The following SRRT variants were observed in gnomAD, a reference collection of about 807,000 sequenced individuals.
SRRT encodes serrate RNA effector molecule homolog.
A neutral mutation model predicts 103.2 loss-of-function variants in SRRT; 32 were observed. That is an observed-to-expected ratio of 0.31 (90% confidence interval 0.23 to 0.42). SRRT has a LOEUF of 0.42. Among genes scored for constraint, SRRT ranks in the 10% least tolerant of loss-of-function variants. The pLI is 1.00. For missense variants in SRRT, 986 were observed against 1,207.5 expected (o/e 0.82, Z 2.72); for synonymous variants, 525 against 449.0 (o/e 1.17, Z -2.14).
At position 100,886,278 on chromosome 7, in the gene SRRT, A is replaced by AC; in HGVS notation, c.1491dup (p.Arg498GlnfsTer36). 6.2e-7 allele frequency: 1 copy of AC among 1,612,804 alleles called. No homozygotes were observed. The highest frequency in any genetic ancestry group is 1.3e-5 in the African/African-American group (1 of 74,978). ...GAGTGTGAGCTGAGCCCTGGTGTGA[A>AC]CAGGGACCTGACCCGGCGCGTTCGC... is the stretch of plus-strand genomic sequence containing the variant. On this transcript the variant is annotated frameshift_variant, in exon 13 of 20. Transcript: ENST00000611405. LOFTEE classifies it high-confidence loss of function.
rs1789882296 is a variant in SRRT, at chr7:100,884,418, C to G, written c.808C>G (p.Gln270Glu). The G allele has an allele frequency of 6.0e-6, 9 of 1,494,154 alleles. No homozygotes were observed. Among genetic ancestry groups the G allele is most frequent in the South Asian group, 2.4e-5 (2 of 82,656 alleles). The allele number at this position is 1,494,154 out of a possible 1,614,324, so 92.6% of individuals were successfully genotyped here. A position where few individuals can be genotyped will look rare whatever the true frequency, so the allele number is the denominator to read the frequency against. The change falls in exon 7 of 20, where the codon CAG (glutamine) becomes GAG (glutamate). Residue 270 changes from glutamine to glutamate, a missense_variant. Physicochemically the swap from Gln to Glu is conservative, Grantham distance 29 (BLOSUM62 2). Around this residue, in one of 6 missense-constraint regions of SRRT, gnomAD observed 274 missense variants for 358.5 expected, o/e 0.76. Transcript: ENST00000611405. ...GGAGAATGATCTTCGCATCCTGGAG[C>G]AGGAGGAGGAGGAGGAGCAGGCAGG... ...GTENDLRILE[Q>E]EEEEEQAGKP...
At position 100,885,837 on chromosome 7, in the gene SRRT, A is replaced by G. The variant is rs1472030144; in HGVS notation, c.1380-26A>G. 4.3e-6 allele frequency: 7 copies of G among 1,614,076 alleles called. No homozygotes were observed. The highest frequency in any genetic ancestry group is 1.7e-5 in the Admixed American group (1 of 60,012). ...CCAACACCAACTCCCTCGCTTGACT[A>G]TGCTAACATTTTCTTTCTTGTGTAG... On this transcript the variant is annotated intron_variant, in intron 11 of 19. Transcript: ENST00000611405. This position sits in a 1 kb window ranked among gnomAD's most constrained non-coding sequence, Gnocchi z 4.8.
Position 100,875,608 on chromosome 7 carries a change from C to T in SRRT, c.18C>T (p.Asp6=), listed in dbSNP as rs758560544. Residue 6 remains aspartate, a synonymous_variant, in exon 2 of 20, where the codon GAC becomes GAT. Coordinates refer to ENST00000611405, the MANE Select transcript of SRRT (RefSeq NM_015908.6). ...ACCGTGCCATGGGTGACAGTGATGACGAGTACGATCGAAGGCGCAGGGACA... is the reference window on the plus strand; with the variant it reads ...ACCGTGCCATGGGTGACAGTGATGATGAGTACGATCGAAGGCGCAGGGACA... MGDSD[D]EYDRRRRDKF... 5.6e-6 allele frequency: 9 copies of T among 1,614,060 alleles called. No individual in the cohort carries two copies. In the East Asian group the frequency reaches 6.7e-5, roughly 12 times the overall value.
In SRRT at chr7:100,888,080, C is replaced by T. The variant is rs764177630; in HGVS notation, c.2365C>T (p.His789Tyr). ...PGLTPGLPYPHQTPQGLMPYG... is the reference protein window; with the variant it reads ...PGLTPGLPYPYQTPQGLMPYG... ...TTTGACCCCAGGACTCCCCTACCCA[C>T]ACCAGACTCCCCAGGGCCTGATGCC... The change falls in exon 18 of 20, where the codon CAC becomes TAC. Residue 789 changes from histidine to tyrosine, a missense_variant. Transcript: ENST00000611405. The T allele has an allele frequency of 6.2e-7, 1 of 1,601,584 alleles. No homozygotes were observed. The highest frequency in any genetic ancestry group is 1.1e-5 in the South Asian group (1 of 89,456).
intron 2 of SRRT, 29 bp downstream of exon 2, chr7:100,875,741 C>T (rs370955725): frequency 3.7e-6 from 6 of 1,610,520 alleles, no homozygotes; most frequent in Non-Finnish European, 5.1e-6. Flanking sequence ...CATCTTGTCC[C>T]CGTTTCATGC....
At chr7:100,879,859 G>A (rs980216526) in intron 2 of SRRT, among the ~76,000 whole-genome samples, 10 of 152,046 alleles carry the variant, frequency 6.6e-5, no homozygotes, top group African/African-American at 2.2e-4. Context: ...GGGGAGGCTG[G>A]TGATTGGTTG....
intron 2 of SRRT, among the ~76,000 whole-genome samples, chr7:100,878,450 A>G (rs1815960590): frequency 6.6e-6 from 1 of 152,236 alleles, no homozygotes. Context: ...GACATAATCC[A>G]GGTCCATTGA....
intron 2 of SRRT, 143 bp from the exon 3 acceptor site, chr7:100,881,142 C>CGGGGGGGGGGGGGGGG (rs57137266): frequency 1.8e-6 from 1 of 544,866 alleles, no homozygotes; most frequent in African/African-American, 2.8e-5. Flanking sequence ...TGGCGGGGGG[C>CGGGGGGGGGGGGGGGG]GGGGGGGGGT....
Position 100,887,413 on chromosome 7 carries a change from G to A in SRRT, c.2069G>A (p.Arg690His), listed in dbSNP as rs1381886204. The change falls in exon 16 of 20, where the codon CGC (arginine) becomes CAC (histidine). Residue 690 changes from arginine to histidine, a missense_variant. Arg to His is a conservative substitution (Grantham distance 29, BLOSUM62 0). This residue lies in a region of SRRT where 349 missense variants were observed against 446.9 expected (regional missense o/e 0.78). Transcript: ENST00000611405. The surrounding 1 kb of genome is among the most constrained non-coding windows in gnomAD (Gnocchi z 4.1). ...GAGGAAGAGGCCCAGAAGATGGGGC[G>A]CAAAGACCCAGAGCAGGAAGTGGAG... ...LSEEEAQKMGRKDPEQEVEKF... is the reference protein window; with the variant it reads ...LSEEEAQKMGHKDPEQEVEKF... 1.7e-5 allele frequency: 27 copies of A among 1,614,084 alleles called. No individual in the cohort carries two copies. The highest frequency in any genetic ancestry group is 1.9e-5 in the Non-Finnish European group (22 of 1,180,044).
intron 6 of SRRT, 29 bp downstream of exon 6, chr7:100,884,268 T>G: frequency 6.2e-7 from 1 of 1,613,738 alleles, no homozygotes; most frequent in Non-Finnish European, 8.5e-7. Flanking sequence ...GTGGCAGGCA[T>G]CTGGGCCCCA....
Sources: gnomAD v4.1 joint callset for allele counts (sites outside exome capture counted in the v4.1 genomes callset) on GRCh38, gnomAD v4.1.1 for gene constraint, gnomAD v4.1.1 regional missense constraint, Gnocchi (gnomAD v3.1) non-coding constraint, MANE v1.5 for transcripts, NCBI Gene and HGNC (gene_info 2026-07-23, HGNC 2026-07-21) for gene names.